Variants in EPC1 observed in about 807,000 individuals in gnomAD.
The protein encoded by EPC1 is enhancer of polycomb 1, also known as enhancer of polycomb homolog 1.
In EPC1, 12 loss-of-function variants were observed where a neutral mutation model predicts 98.4. That is an observed-to-expected ratio of 0.12 (90% CI 0.08 to 0.20). The LOEUF is 0.20. Among genes scored for constraint, EPC1 ranks in the 10% least tolerant of loss-of-function variants. EPC1 has a pLI of 1.00. For missense variants in EPC1, 729 were observed against 990.5 expected (o/e 0.74, Z 3.54); for synonymous variants, 357 against 363.9 (o/e 0.98, Z 0.21).
At chr10:32,374,858 A>G (rs1331011520) in intron 1 of EPC1, among the ~76,000 whole-genome samples, 1 of 152,130 alleles carries the variant, frequency 6.6e-6, no homozygotes, top group Non-Finnish European at 1.5e-5. Context: ...ATGGGGGAAG[A>G]TCTAGAATAA....
Position 32,293,499 on chromosome 10 carries a change from T to C in EPC1, c.459+93A>G. ...CTTTTTAACTCTAAAGCCTGACTGA[T>C]TACCCCCAACCTGCAATCTCACACT... On this transcript the variant is annotated intron_variant, in intron 3 of 13. Transcript: ENST00000319778. 2.5e-6 allele frequency: 3 copies of C among 1,203,472 alleles called. No individual in the cohort carries two copies. The South Asian group carries it at 4.8e-5, about 19-fold the overall frequency. The allele number at this position is 1,203,472 out of a possible 1,614,324, so 74.5% of individuals were successfully genotyped here.
chr10:32,329,356 G>A (rs1430018919), intron 1 of EPC1, among the ~76,000 whole-genome samples: 1 of 152,184 alleles, frequency 6.6e-6, no homozygotes, highest in Non-Finnish European at 1.5e-5. Flanking sequence ...ATAGTGCAAT[G>A]CTAAAAACAG....
chr10:32,304,132 T>C (rs534442750), intron 2 of EPC1, among the ~76,000 whole-genome samples: 22 of 152,334 alleles, frequency 1.4e-4, no homozygotes, highest in African/African-American at 4.8e-4. Flanking sequence ...TTTTTCAATA[T>C]AGTAGTACCT....
Position 32,287,018 on chromosome 10 carries a change from TTAAATGAAA to T in EPC1, c.1153-12_1153-4del, listed in dbSNP as rs1436017258. 1.2e-6 allele frequency: 2 copies of T among 1,613,898 alleles called. No homozygotes were observed. The highest frequency in any genetic ancestry group is 1.7e-6 in the Non-Finnish European group (2 of 1,179,968). On this transcript the variant is annotated splice_region_variant and splice_polypyrimidine_tract_variant and intron_variant, in intron 7 of 13. Coordinates refer to ENST00000319778, the MANE Select transcript of EPC1 (RefSeq NM_001272004.3). ...GCTTCCGAAGAGCCAGACAAAACCT[TTAAATGAAA>T]TAAAGAAAGTAGGTCAGATACGTGA...
chr10:32,290,343 C>T (rs944066423), intron 6 of EPC1, among the ~76,000 whole-genome samples: 7 of 151,688 alleles, frequency 4.6e-5, no homozygotes, highest in African/African-American at 1.7e-4. Context: ...ATTAGCCCAG[C>T]ATGGTGGCGC....
intron 2 of EPC1, among the ~76,000 whole-genome samples, chr10:32,303,744 T>C (rs1564535833): frequency 1.3e-5 from 2 of 152,196 alleles, no homozygotes. Flanking sequence ...GGGCTATACA[T>C]GATAAAATTA....
At chr10:32,371,672 G>T (rs1405228675) in intron 1 of EPC1, among the ~76,000 whole-genome samples, 4 of 152,146 alleles carry the variant, frequency 2.6e-5, no homozygotes, top group African/African-American at 4.8e-5. Flanking sequence ...GCCGAGGCGG[G>T]TGGATCACCT....
At position 32,271,734 on chromosome 10, in the gene EPC1, T is replaced by C. The variant is rs188353527; in HGVS notation, c.2189A>G (p.Asn730Ser). Reference sequence around the variant, plus strand: ...TGAAGGTACAGTTAATCGAATGTTGTTCCCAATCAGAACCTGAGTTGTTGC... The same window carrying C: ...TGAAGGTACAGTTAATCGAATGTTGCTCCCAATCAGAACCTGAGTTGTTGC... ...NSATTQVLIG[N>S]NIRLTVPSSV... The change falls in exon 13 of 14, where the codon AAC (asparagine) becomes AGC (serine). Residue 730 changes from asparagine to serine, a missense_variant. Asn to Ser is a conservative substitution (Grantham distance 46). This residue lies in a region of EPC1 where 156 missense variants were observed against 188.9 expected (regional missense o/e 0.83). Coordinates refer to ENST00000319778, the MANE Select transcript of EPC1 (RefSeq NM_001272004.3). 50 of 1,614,210 alleles carry C rather than the reference T, an allele frequency of 3.1e-5. No homozygotes were observed. The highest frequency in any genetic ancestry group is 3.3e-4 in the Middle Eastern group (2 of 6,062).
intron 9 of EPC1, 48 bp downstream of exon 9, chr10:32,286,646 C>A (rs750825491): frequency 1.2e-6 from 2 of 1,603,592 alleles, no homozygotes; most frequent in South Asian, 2.2e-5. Context: ...GATTCAATCA[C>A]CCTAATGCCT....
chr10:32,315,017 CTATT>C (rs1160809048), intron 1 of EPC1, among the ~76,000 whole-genome samples: 1 of 152,212 alleles, frequency 6.6e-6, no homozygotes, highest in Non-Finnish European at 1.5e-5. Flanking sequence ...TGTGCTATCA[CTATT>C]TATGTTTACA....
At chr10:32,301,132 A>G (rs574140345) in intron 2 of EPC1, among the ~76,000 whole-genome samples, 6 of 152,100 alleles carry the variant, frequency 3.9e-5, no homozygotes, top group Non-Finnish European at 8.8e-5. Flanking sequence ...CCACCCACTC[A>G]TACACGCAAA....
intron 1 of EPC1, among the ~76,000 whole-genome samples, chr10:32,324,575 CTTAT>C (rs1378554862): frequency 6.6e-6 from 1 of 151,564 alleles, no homozygotes; most frequent in Non-Finnish European, 1.5e-5. Context: ...AAATCTTACT[CTTAT>C]TTACTTAATA....
At chr10:32,360,940 C>T (rs1165664799) in intron 1 of EPC1, among the ~76,000 whole-genome samples, 1 of 151,752 alleles carries the variant, frequency 6.6e-6, no homozygotes, top group African/African-American at 2.4e-5. Flanking sequence ...TGTGGTCTCT[C>T]TAACCCAATG....
rs971150480 is a variant in EPC1, at chr10:32,268,890, C to T, written c.*173G>A. Reference sequence around the variant, plus strand: ...TTAATTTACAGATGTTGATTTTTTTCCTATTAACAGTAAGAAAAGAAAAAT... The same window carrying T: ...TTAATTTACAGATGTTGATTTTTTTTCTATTAACAGTAAGAAAAGAAAAAT... On this transcript the variant is annotated 3_prime_UTR_variant, in exon 14 of 14. Coordinates refer to ENST00000319778, the MANE Select transcript of EPC1 (RefSeq NM_001272004.3). 6.2e-5 allele frequency: 35 copies of T among 565,656 alleles called. No individual in the cohort carries two copies. Among genetic ancestry groups the T allele is most frequent in the Non-Finnish European group, 2.2e-5 (7 of 317,230 alleles). The allele number at this position is 565,656 out of a possible 1,614,324, so 35.0% of individuals were successfully genotyped here.
Position 32,293,648 on chromosome 10 carries a change from A to T in EPC1, c.403T>A (p.Cys135Ser), listed in dbSNP as rs1834975184. 6.2e-7 allele frequency: 1 copy of T among 1,613,794 alleles called. No homozygotes were observed. The change falls in exon 3 of 14, where the codon TGC (cysteine) becomes AGC (serine). Residue 135 changes from cysteine (C) to serine (S), a missense_variant. Physicochemically the swap from Cys to Ser is moderately radical, Grantham distance 112. This residue lies in a region of EPC1 where 94 missense variants were observed against 125.1 expected (regional missense o/e 0.75). Transcript: ENST00000319778. ...ATCATCTCCTCAAATTGCAATGGGC[A>T]GATGTCCATTTTCTTTTTCAGTTTA... ...VNKLKKKMDI[C>S]PLQFEEMIDR...
At chr10:32,271,950 T>C (rs752170232) in intron 12 of EPC1, 33 bp from the exon 13 acceptor site, 1 of 1,602,806 alleles carries the variant, frequency 6.2e-7, no homozygotes, top group South Asian at 1.1e-5. Flanking sequence ...ATCTAAACAA[T>C]GTACAACTTT....
chr10:32,347,260 C>T, upstream of EPC1: 1 of 1,118,504 alleles, frequency 8.9e-7, no homozygotes, highest in Non-Finnish European at 1.1e-6. Context: ...GGCGCCGGCA[C>T]GAAGCGCGCG....
Position 32,284,905 on chromosome 10 carries a change from C to G in EPC1, c.1537G>C (p.Asp513His), listed in dbSNP as rs142901274. ...TNTSDKSFSK[D>H]LSQILVNIKS... ...ATATTGACTAGTATCTGACTGAGGT[C>G]TTTAGAGAAAGATTTGTCCGAGGTA... is the stretch of plus-strand genomic sequence containing the variant. Residue 513 changes from aspartate to histidine, a missense_variant, in exon 10 of 14, where the codon GAC becomes CAC. Physicochemically the swap from Asp to His is moderately conservative, Grantham distance 81. Around this residue, in one of 6 missense-constraint regions of EPC1, gnomAD observed 390 missense variants for 438.6 expected, o/e 0.89. Transcript: ENST00000319778. The G allele has an allele frequency of 7.4e-6, 12 of 1,614,010 alleles. No individual in the cohort carries two copies. Among genetic ancestry groups the G allele is most frequent in the Non-Finnish European group, 9.3e-6 (11 of 1,180,046 alleles).
chr10:32,291,070 C>T, intron 6 of EPC1, 93 bp downstream of exon 6: 2 of 1,209,134 alleles, frequency 1.7e-6, no homozygotes, highest in South Asian at 1.4e-5. Context: ...AGCCACTGTG[C>T]CCGGCCTATG....
Sources: gnomAD v4.1 joint callset for allele counts (sites outside exome capture counted in the v4.1 genomes callset) on GRCh38, gnomAD v4.1.1 for gene constraint, gnomAD v4.1.1 regional missense constraint, MANE v1.5 for transcripts, NCBI Gene and HGNC (gene_info 2026-07-23, HGNC 2026-07-21) for gene names.